Variants in MAPK10 observed in about 807,000 individuals in gnomAD.
The protein encoded by MAPK10 is mitogen-activated protein kinase 10, also known as JNK3 alpha protein kinase.
In MAPK10, 25 loss-of-function variants were observed where a neutral mutation model predicts 59.3. The ratio of observed to expected loss-of-function variants is 0.42; its 90% CI spans 0.31 to 0.59. The LOEUF is 0.59. Ranked by LOEUF, MAPK10 falls within the 20% of genes least tolerant of loss-of-function variation. MAPK10 has a pLI of 0.15. For synonymous variants in MAPK10, 190 were observed against 200.5 expected, an observed-to-expected ratio of 0.95 and a Z score of 0.44; for missense variants, 351 against 568.9, an observed-to-expected ratio of 0.62 and a Z score of 3.90.
intron 1 of MAPK10, among the ~76,000 whole-genome samples, chr4:86,367,806 T>G (rs1738164894): frequency 6.6e-6 from 1 of 152,098 alleles, no homozygotes; most frequent in Non-Finnish European, 1.5e-5. Flanking sequence ...TTGACCTTGC[T>G]GCAGGAACAC....
chr4:86,554,086 AG>A (rs1760072954), intron 1 of MAPK10, among the ~76,000 whole-genome samples: 1 of 152,018 alleles, frequency 6.6e-6, no homozygotes, highest in Non-Finnish European at 1.5e-5. Context: ...AGGCAGGACG[AG>A]GGGGTAGTCA....
At chr4:86,411,496 G>A (rs1206751710) in intron 1 of MAPK10, among the ~76,000 whole-genome samples, 1 of 152,202 alleles carries the variant, frequency 6.6e-6, no homozygotes, top group Non-Finnish European at 1.5e-5. Context: ...AATATTGACA[G>A]TGGAGTGTTA....
At chr4:86,141,142 T>A (rs1014675614) in intron 4 of MAPK10, among the ~76,000 whole-genome samples, 1 of 152,206 alleles carries the variant, frequency 6.6e-6, no homozygotes, top group African/African-American at 2.4e-5. Context: ...AAAGGCCTTG[T>A]ACCATGTTCT....
intron 4 of MAPK10, among the ~76,000 whole-genome samples, chr4:86,147,348 C>T (rs375775658): frequency 6.6e-6 from 1 of 152,160 alleles, no homozygotes; most frequent in Non-Finnish European, 1.5e-5. Context: ...CCTCAGCCTC[C>T]CAAATGTCTT....
In MAPK10 at chr4:86,359,799, G is replaced by A; in HGVS notation, c.-263C>T. The A allele has an allele frequency of 1.0e-6, 1 of 985,618 alleles. No individual in the cohort carries two copies. The highest frequency in any genetic ancestry group is 1.2e-6 in the Non-Finnish European group (1 of 829,882). 61.1% of individuals were successfully genotyped at this position (985,618 alleles called of 1,614,324 possible). A position where few individuals can be genotyped will look rare whatever the true frequency, so the allele number is the denominator to read the frequency against. On this transcript the variant is annotated 5_prime_UTR_variant, in exon 1 of 14. Coordinates refer to ENST00000641462, the MANE Select transcript of MAPK10 (RefSeq NM_138982.4). ...TGGAGATTGTTTAAAATTAACGATG[G>A]ACAGGTGATTTCCAAGAAAACCCAA...
chr4:86,573,388 C>T (rs4622964), intron 1 of MAPK10, among the ~76,000 whole-genome samples: 1 of 151,940 alleles, frequency 6.6e-6, no homozygotes. Context: ...AAATTACTCT[C>T]TCATCTTTGT....
chr4:86,194,821 AT>A (rs1181815306), intron 2 of MAPK10, among the ~76,000 whole-genome samples: 1 of 151,888 alleles, frequency 6.6e-6, no homozygotes, highest in Non-Finnish European at 1.5e-5. Context: ...ATAGAATTCT[AT>A]ATAGGACTTG....
At chr4:86,263,850 A>G (rs1468967615) in intron 2 of MAPK10, among the ~76,000 whole-genome samples, 1 of 152,218 alleles carries the variant, frequency 6.6e-6, no homozygotes, top group Non-Finnish European at 1.5e-5. Context: ...GGTAGACTAT[A>G]TTATTATTGA....
At chr4:86,116,671 G>T (rs1259731053) in intron 4 of MAPK10, among the ~76,000 whole-genome samples, 1 of 152,182 alleles carries the variant, frequency 6.6e-6, no homozygotes, top group Admixed American at 6.5e-5. Context: ...CCTCTGTCTG[G>T]TACTTCCTCC....
At chr4:86,140,898 T>C (rs891327146) in intron 4 of MAPK10, among the ~76,000 whole-genome samples, 1 of 152,062 alleles carries the variant, frequency 6.6e-6, no homozygotes, top group Non-Finnish European at 1.5e-5. Context: ...TTGCAAAGTG[T>C]CAAAAGCACT....
rs183047258 is a variant in MAPK10 at position 86,531,630 on chromosome 4, G to A, written c.-263+62280C>T. Among the ~76,000 whole-genome samples, 407 of 152,244 alleles carry A rather than the reference G, an allele frequency of 2.7e-3. 2 individuals carry two copies. Among genetic ancestry groups the A allele is most frequent in the African/African-American group, 9.4e-3 (392 of 41,538 alleles). ...GGATTAATCTAATCCTCTGGGAGACGTAGTATAGAAAGGGATGGTGAAAGT... is the reference window on the plus strand; with the variant it reads ...GGATTAATCTAATCCTCTGGGAGACATAGTATAGAAAGGGATGGTGAAAGT... On this transcript the variant is annotated intron_variant, in intron 1 of 4. Coordinates refer to the MAPK10 transcript ENST00000502302.
At position 86,273,964 on chromosome 4, in the gene MAPK10, T is replaced by C. The variant is rs534625955; in HGVS notation, c.-6-79557A>G. ...TATCTTGAATCAATACTATGAAAAT[T>C]CTTGTTTGAAAAATAGTTCACTTAA... On this transcript the variant is annotated intron_variant, in intron 2 of 13. Transcript: ENST00000641462. 3.3e-5 allele frequency among the ~76,000 whole-genome samples: 5 copies of C among 152,186 alleles called. No individual in the cohort carries two copies. In the East Asian group the frequency reaches 9.6e-4, roughly 29 times the overall value.
intron 3 of MAPK10, among the ~76,000 whole-genome samples, chr4:86,185,907 TATTTGACATC>T (rs2078110830): frequency 9.1e-6 from 1 of 110,216 alleles, no homozygotes; most frequent in African/African-American, 3.8e-5. Flanking sequence ...CTGATATGCC[TATTTGACATC>T]TAAGTGGAGA....
At chr4:86,231,541 T>C (rs2091538119) in intron 2 of MAPK10, among the ~76,000 whole-genome samples, 1 of 151,632 alleles carries the variant, frequency 6.6e-6, no homozygotes. Flanking sequence ...CGGGCACCTG[T>C]AGTCCCAGCT....
In MAPK10 at chr4:86,151,531, C is replaced by T. The variant is rs144344978; in HGVS notation, c.236+7767G>A. Reference sequence around the variant, plus strand: ...GAGAAAACAGCCACTTGGGCTGATCCGGATGAGAGTTTGGAAAACAAAGCT... The same window carrying T: ...GAGAAAACAGCCACTTGGGCTGATCTGGATGAGAGTTTGGAAAACAAAGCT... On this transcript the variant is annotated intron_variant, in intron 4 of 13. Transcript: ENST00000641462. Among the ~76,000 whole-genome samples, 284 of 152,182 alleles carry T rather than the reference C, an allele frequency of 1.9e-3. No homozygotes were observed. In the Middle Eastern group the frequency reaches 0.024, roughly 13 times the overall value.
chr4:86,180,386 A>G (rs2076629097), intron 3 of MAPK10, among the ~76,000 whole-genome samples: 1 of 151,896 alleles, frequency 6.6e-6, no homozygotes, highest in Non-Finnish European at 1.5e-5. Flanking sequence ...GTTGGTGGGA[A>G]TGTAAACTAG....
intron 2 of MAPK10, among the ~76,000 whole-genome samples, chr4:86,226,700 G>T (rs887543601): frequency 6.6e-6 from 1 of 152,166 alleles, no homozygotes; most frequent in Admixed American, 6.5e-5. Flanking sequence ...TTTGAAGAGA[G>T]TTCCAGAAAA....
chr4:86,066,464 T>C (rs958320861), intron 10 of MAPK10, among the ~76,000 whole-genome samples: 1 of 152,078 alleles, frequency 6.6e-6, no homozygotes, highest in African/African-American at 2.4e-5. Flanking sequence ...TTTTCTGCTC[T>C]TAGAAAGGGC....
At chr4:86,041,851 C>T (rs2148941095) in intron 11 of MAPK10, among the ~76,000 whole-genome samples, 1 of 152,320 alleles carries the variant, frequency 6.6e-6, no homozygotes, top group East Asian at 1.9e-4. Context: ...AACAGGAACG[C>T]TTTTACACTG....
Sources: allele counts gnomAD v4.1 joint callset (sites outside exome capture counted in the v4.1 genomes callset), GRCh38; gene constraint gnomAD v4.1.1; transcripts MANE v1.5; gene names NCBI Gene and HGNC (gene_info 2026-07-23, HGNC 2026-07-21).